GRM7: variants seen among roughly 807,000 people sequenced by gnomAD.
GRM7 encodes the protein glutamate metabotropic receptor 7, also known as metabotropic glutamate receptor 7.
A neutral mutation model predicts 84.5 loss-of-function variants in GRM7; 35 were observed. The observed-to-expected ratio is 0.41, with a 90% CI of 0.32 to 0.55. The LOEUF is 0.55. GRM7 is among the 20% of genes least tolerant of loss of function. GRM7 has a pLI of 0.19. For missense variants in GRM7, 1,003 were observed against 1,194.6 expected, an observed-to-expected ratio of 0.84 and a Z score of 2.36; for synonymous variants, 487 against 455.1, an observed-to-expected ratio of 1.07 and a Z score of -0.89.
At chr3:7,621,677 G>T (rs749778927) in intron 8 of GRM7, among the ~76,000 whole-genome samples, 1 of 152,032 alleles carries the variant, frequency 6.6e-6, no homozygotes, top group Non-Finnish European at 1.5e-5. Context: ...TTTTGTTGCT[G>T]CTATGACCAG....
chr3:7,109,098 G>T (rs1306164407), intron 1 of GRM7, among the ~76,000 whole-genome samples: 1 of 152,002 alleles, frequency 6.6e-6, no homozygotes, highest in Non-Finnish European at 1.5e-5. Flanking sequence ...GCATAAAAGA[G>T]GCTGATATGA....
Position 7,093,716 on chromosome 3 carries a change from G to GAAA in GRM7, c.520-52736_520-52735insAAA, listed in dbSNP as rs1698754216. 2.2e-3 allele frequency among the ~76,000 whole-genome samples: 28 copies of GAAA among 12,736 alleles called. 5 individuals are homozygous for GAAA. The highest frequency in any genetic ancestry group is 5.2e-3 in the Admixed American group (6 of 1,160). The allele number at this position is 12,736 out of a possible 152,430, so 8.4% of individuals were successfully genotyped here. ...AAAAAAAAAAAAAAAAAAAAAAAAGGTAGTTAGTGGCCTTTGCTCTTTTAC... is the reference window on the plus strand; with the variant it reads ...AAAAAAAAAAAAAAAAAAAAAAAAGGAAATAGTTAGTGGCCTTTGCTCTTTTAC... On this transcript the variant is annotated intron_variant, in intron 1 of 9. Coordinates refer to ENST00000357716, the MANE Select transcript of GRM7 (RefSeq NM_000844.4).
chr3:7,042,257 G>C (rs1696651452), intron 1 of GRM7, among the ~76,000 whole-genome samples: 1 of 152,090 alleles, frequency 6.6e-6, no homozygotes, highest in African/African-American at 2.4e-5. Flanking sequence ...AATTGAATTG[G>C]AGGAGGGGTG....
chr3:7,521,566 C>T (rs1226482740), intron 7 of GRM7, among the ~76,000 whole-genome samples: 1 of 152,140 alleles, frequency 6.6e-6, no homozygotes, highest in Non-Finnish European at 1.5e-5. Context: ...TTTTGGACTT[C>T]CCAACCTTTG....
chr3:7,344,458 G>A (rs758882725), intron 4 of GRM7, among the ~76,000 whole-genome samples: 6 of 152,078 alleles, frequency 3.9e-5, no homozygotes, highest in South Asian at 2.1e-4. Flanking sequence ...ATTCCATGGC[G>A]TATATGTACC....
At chr3:6,911,395 C>A (rs989354837) in intron 1 of GRM7, among the ~76,000 whole-genome samples, 1 of 152,036 alleles carries the variant, frequency 6.6e-6, no homozygotes, top group Non-Finnish European at 1.5e-5. Context: ...GTAGAAATTT[C>A]TTCTGGGACT....
rs549898635 is a variant in GRM7 at position 7,301,242 on chromosome 3, C to T, written c.878+2417C>T. 4.6e-5 allele frequency among the ~76,000 whole-genome samples: 7 copies of T among 152,218 alleles called. No homozygotes were observed. The South Asian group carries it at 1.0e-3, about 23-fold the overall frequency. On this transcript the variant is annotated intron_variant, in intron 3 of 9. Coordinates refer to ENST00000357716, the MANE Select transcript of GRM7 (RefSeq NM_000844.4). Reference sequence around the variant, plus strand: ...TTTCAAGCATTCCCTTCTCCAGTTCCGGAGAACTGATCCTGATTCTGATCA... The same window carrying T: ...TTTCAAGCATTCCCTTCTCCAGTTCTGGAGAACTGATCCTGATTCTGATCA...
intron 4 of GRM7, among the ~76,000 whole-genome samples, chr3:7,320,078 C>T (rs931062381): frequency 2.0e-5 from 3 of 151,816 alleles, no homozygotes; most frequent in African/African-American, 7.3e-5. Flanking sequence ...ATTTATTTAT[C>T]ATACAGTAAA....
chr3:7,284,074 A>G (rs1699343604), intron 2 of GRM7, among the ~76,000 whole-genome samples: 1 of 152,238 alleles, frequency 6.6e-6, no homozygotes, highest in Non-Finnish European at 1.5e-5. Context: ...ATTTGTCTCA[A>G]TTGCAGCCTA....
At chr3:7,015,564 G>A (rs1695533564) in intron 1 of GRM7, among the ~76,000 whole-genome samples, 1 of 152,204 alleles carries the variant, frequency 6.6e-6, no homozygotes, top group Non-Finnish European at 1.5e-5. Flanking sequence ...GTTTCTATGG[G>A]CAAGAAATTC....
chr3:7,572,558 G>A lies in GRM7; in HGVS notation c.1516-5864G>A, dbSNP rs552704856. 1.3e-4 allele frequency among the ~76,000 whole-genome samples: 20 copies of A among 151,898 alleles called. No individual in the cohort carries two copies. The South Asian group carries it at 1.9e-3, about 14-fold the overall frequency. On this transcript the variant is annotated intron_variant, in intron 7 of 9. Coordinates refer to ENST00000357716, the MANE Select transcript of GRM7 (RefSeq NM_000844.4). ...ATGCTGGCTGGGCACAGTGGCTCAC[G>A]CCTGTAATCCCAGCGCTTTGGGAGG...
At chr3:7,543,375 A>G (rs902589747) in intron 7 of GRM7, among the ~76,000 whole-genome samples, 2 of 152,234 alleles carry the variant, frequency 1.3e-5, no homozygotes, top group African/African-American at 4.8e-5. Flanking sequence ...ATATTTGGCA[A>G]TGTATCAGAA....
At chr3:7,130,727 G>A (rs1412487505) in intron 1 of GRM7, among the ~76,000 whole-genome samples, 1 of 151,988 alleles carries the variant, frequency 6.6e-6, no homozygotes, top group Non-Finnish European at 1.5e-5. Context: ...GCAATTACAT[G>A]CAAAAAAGTT....
chr3:7,705,985 AGTACAGAGGTG>A, intron 9 of GRM7, among the ~76,000 whole-genome samples: 1 of 152,314 alleles, frequency 6.6e-6, no homozygotes, highest in Non-Finnish European at 1.5e-5. Flanking sequence ...GTTGGCTTTG[AGTACAGAGGTG>A]GTGGTAGAGC....
intron 4 of GRM7, among the ~76,000 whole-genome samples, chr3:7,336,881 A>G (rs1355832201): frequency 1.3e-5 from 2 of 151,884 alleles, no homozygotes; most frequent in Non-Finnish European, 2.9e-5. Flanking sequence ...AACACTGCTG[A>G]AAAAAAATCA....
At chr3:7,551,515 G>C (rs1224278174) in intron 7 of GRM7, among the ~76,000 whole-genome samples, 1 of 151,960 alleles carries the variant, frequency 6.6e-6, no homozygotes, top group East Asian at 1.9e-4. Context: ...TAACTTGTTA[G>C]TGTACAAGTA....
intron 2 of GRM7, among the ~76,000 whole-genome samples, chr3:7,235,460 G>A (rs980995614): frequency 2.6e-5 from 4 of 152,234 alleles, no homozygotes; most frequent in Non-Finnish European, 5.9e-5. Context: ...TACATGATAA[G>A]CACCCCTAGG....
intron 1 of GRM7, among the ~76,000 whole-genome samples, chr3:7,136,570 A>T (rs1693779238): frequency 1.3e-5 from 2 of 151,716 alleles, no homozygotes; most frequent in South Asian, 4.2e-4. Flanking sequence ...AGGTGAGAAA[A>T]AGTATTTGCC....
intron 8 of GRM7, among the ~76,000 whole-genome samples, chr3:7,658,801 T>G (rs753961476): frequency 3.9e-5 from 6 of 152,232 alleles, no homozygotes; most frequent in Non-Finnish European, 8.8e-5. Flanking sequence ...ATTTGAATCT[T>G]TGAACTCTTC....
Sources: gnomAD v4.1 joint callset for allele counts (sites outside exome capture counted in the v4.1 genomes callset) on GRCh38, gnomAD v4.1.1 for gene constraint, MANE v1.5 for transcripts, NCBI Gene and HGNC (gene_info 2026-07-23, HGNC 2026-07-21) for gene names.